Variants in NEGR1 observed in about 807,000 individuals in gnomAD.
NEGR1 encodes the protein neuronal growth regulator 1, also known as IgLON family member 4.
Under a neutral mutation model 40.9 loss-of-function variants are expected in NEGR1, and 10 were observed. The ratio of observed to expected loss-of-function variants is 0.24; its 90% CI spans 0.15 to 0.42. The LOEUF is 0.42. Ranked by LOEUF, NEGR1 falls within the 10% of genes least tolerant of loss-of-function variation. NEGR1 has a pLI of 1.00. For missense variants in NEGR1, 352 were observed against 438.9 expected, an observed-to-expected ratio of 0.80 and a Z score of 1.77; for synonymous variants, 185 against 166.8, an observed-to-expected ratio of 1.11 and a Z score of -0.84.
intron 6 of NEGR1, among the ~76,000 whole-genome samples, chr1:71,559,019 G>GTGTGTATATA (rs377263417): frequency 0.067 from 7,611 of 113,474 alleles, 252 homozygotes; most frequent in Non-Finnish European, 0.095. Flanking sequence ...CTGTGTGTGT[G>GTGTGTATATA]TATATATATA....
intron 6 of NEGR1, among the ~76,000 whole-genome samples, chr1:71,523,047 G>A (rs1647171846): frequency 6.6e-6 from 1 of 151,912 alleles, no homozygotes; most frequent in Admixed American, 6.6e-5. Flanking sequence ...TTTGTTGTTT[G>A]TTTAAATGAA....
chr1:71,789,226 T>G (rs1657023584), intron 2 of NEGR1, among the ~76,000 whole-genome samples: 1 of 152,110 alleles, frequency 6.6e-6, no homozygotes, highest in Non-Finnish European at 1.5e-5. Flanking sequence ...ATTATTTCCT[T>G]TATTCACTTT....
chr1:71,547,393 T>C lies in NEGR1; in HGVS notation c.940+45424A>G, dbSNP rs182452855. On this transcript the variant is annotated intron_variant, in intron 6 of 6. Coordinates refer to ENST00000357731, the MANE Select transcript of NEGR1 (RefSeq NM_173808.3). ...ATGTGTATTTTGCAATTTAGCAAAGTTACCGGAGTGAAAAAGGGATAGGCT... is the reference window on the plus strand; with the variant it reads ...ATGTGTATTTTGCAATTTAGCAAAGCTACCGGAGTGAAAAAGGGATAGGCT... 5.9e-5 allele frequency among the ~76,000 whole-genome samples: 9 copies of C among 151,840 alleles called. 1 individual carries two copies. In the East Asian group the frequency reaches 1.6e-3, roughly 27 times the overall value.
chr1:71,639,352 C>T (rs1418216666), intron 4 of NEGR1, among the ~76,000 whole-genome samples: 1 of 152,034 alleles, frequency 6.6e-6, no homozygotes, highest in South Asian at 2.1e-4. Flanking sequence ...TACAGTTCTT[C>T]AATGTGCAGC....
intron 1 of NEGR1, among the ~76,000 whole-genome samples, chr1:72,011,546 A>C (rs2100402166): frequency 6.6e-6 from 1 of 152,298 alleles, no homozygotes; most frequent in Admixed American, 6.5e-5. Context: ...CCATAGATCA[A>C]GCAAGATACC....
intron 2 of NEGR1, among the ~76,000 whole-genome samples, chr1:71,856,029 A>C (rs1035305144): frequency 6.6e-6 from 1 of 152,128 alleles, no homozygotes; most frequent in African/African-American, 2.4e-5. Context: ...CTATGTAGGC[A>C]ACACTTCTTA....
intron 2 of NEGR1, among the ~76,000 whole-genome samples, chr1:71,855,002 G>A (rs1014353306): frequency 2.6e-5 from 4 of 151,956 alleles, no homozygotes; most frequent in African/African-American, 9.7e-5. Flanking sequence ...AACAGCACAA[G>A]GTCAACTATA....
chr1:71,512,469 G>A (rs1176326241), intron 6 of NEGR1, among the ~76,000 whole-genome samples: 1 of 151,682 alleles, frequency 6.6e-6, no homozygotes, highest in Non-Finnish European at 1.5e-5. Flanking sequence ...ACATTCAATT[G>A]TGCACCACAG....
chr1:71,431,860 G>T (rs1351314794), intron 6 of NEGR1, among the ~76,000 whole-genome samples: 1 of 152,134 alleles, frequency 6.6e-6, no homozygotes, highest in East Asian at 1.9e-4. Flanking sequence ...GTAATTCTTT[G>T]CATAGAGATT....
At chr1:72,223,558 G>A (rs1462752139) in intron 1 of NEGR1, among the ~76,000 whole-genome samples, 1 of 152,106 alleles carries the variant, frequency 6.6e-6, no homozygotes, top group East Asian at 1.9e-4. Context: ...AATTCCACTA[G>A]TCAAGAGAAT....
intron 4 of NEGR1, among the ~76,000 whole-genome samples, chr1:71,639,901 A>G (rs1471402845): frequency 6.6e-6 from 1 of 152,046 alleles, no homozygotes; most frequent in East Asian, 1.9e-4. Context: ...ACTCTTCTTA[A>G]CACACACTTC....
At chr1:71,979,440 A>C (rs1405134579) in intron 1 of NEGR1, among the ~76,000 whole-genome samples, 1 of 152,166 alleles carries the variant, frequency 6.6e-6, no homozygotes, top group Non-Finnish European at 1.5e-5. Flanking sequence ...TACCACTTCC[A>C]TCTGTGAAAA....
chr1:71,672,267 C>T (rs1009299440), intron 4 of NEGR1, among the ~76,000 whole-genome samples: 4 of 152,044 alleles, frequency 2.6e-5, no homozygotes, highest in Non-Finnish European at 1.5e-5. Context: ...ATTAAGAATG[C>T]TTTGGGTGAA....
chr1:72,254,659 G>A (rs753949028), intron 1 of NEGR1, among the ~76,000 whole-genome samples: 10 of 143,538 alleles, frequency 7.0e-5, no homozygotes, highest in Non-Finnish European at 1.2e-4. Context: ...CTGAGATAGC[G>A]CCACTGCACT....
At chr1:72,207,493 T>A (rs1653453547) in intron 1 of NEGR1, among the ~76,000 whole-genome samples, 2 of 151,868 alleles carry the variant, frequency 1.3e-5, no homozygotes, top group Admixed American at 1.3e-4. Flanking sequence ...GGAGCCTTTG[T>A]GGATAAAACA....
chr1:71,651,571 C>T (rs1651719724), intron 4 of NEGR1, among the ~76,000 whole-genome samples: 1 of 152,026 alleles, frequency 6.6e-6, no homozygotes, highest in Admixed American at 6.6e-5. Flanking sequence ...AATTAAAATA[C>T]TTTTCATTTT....
intron 6 of NEGR1, among the ~76,000 whole-genome samples, chr1:71,520,870 T>C (rs1303566277): frequency 1.3e-5 from 2 of 152,000 alleles, no homozygotes; most frequent in Non-Finnish European, 2.9e-5. Flanking sequence ...TTACCCTGCT[T>C]TTACTTGCCA....
At chr1:72,103,100 T>C (rs1335382656) in intron 1 of NEGR1, among the ~76,000 whole-genome samples, 6 of 152,112 alleles carry the variant, frequency 3.9e-5, no homozygotes, top group African/African-American at 1.4e-4. Context: ...TTAAAAGTAC[T>C]TTTCTATAAG....
chr1:72,238,992 C>A (rs1654649298), intron 1 of NEGR1, among the ~76,000 whole-genome samples: 1 of 151,736 alleles, frequency 6.6e-6, no homozygotes, highest in African/African-American at 2.4e-5. Context: ...TTTTTCCTTC[C>A]TGAGCATTTT....
Sources: allele counts gnomAD v4.1 joint callset (sites outside exome capture counted in the v4.1 genomes callset), GRCh38; gene constraint gnomAD v4.1.1; transcripts MANE v1.5; gene names NCBI Gene and HGNC (gene_info 2026-07-23, HGNC 2026-07-21).